The following FREM1 variants were observed in gnomAD, a reference collection of about 807,000 sequenced individuals.
FREM1 encodes FRAS1-related extracellular matrix protein 1.
In FREM1, 220 loss-of-function variants were observed where a neutral mutation model predicts 210.1. The ratio of observed to expected loss-of-function variants is 1.05; its 90% CI spans 0.94 to 1.17. The LOEUF is 1.17. Among genes scored for constraint, FREM1 ranks in the 50% most tolerant of loss-of-function variants. The pLI is 0.00. For synonymous variants in FREM1, 1,189 were observed against 980.2 expected (o/e 1.21, Z -3.98); for missense variants, 3,454 against 2,675.5 (o/e 1.29, Z -6.42).
At chr9:14,844,022 A>T (rs546106180) in intron 8 of FREM1, among the ~76,000 whole-genome samples, 5 of 152,208 alleles carry the variant, frequency 3.3e-5, no homozygotes, top group Non-Finnish European at 7.3e-5. Context: ...CTAATATCAT[A>T]AAGTTGATAT....
At chr9:14,794,155 T>A (rs1049080050) in intron 21 of FREM1, among the ~76,000 whole-genome samples, 2 of 152,156 alleles carry the variant, frequency 1.3e-5, no homozygotes, top group Non-Finnish European at 2.9e-5. Context: ...TAGGTTATCC[T>A]AAAAGGATCC....
At chr9:14,853,379 G>A (rs1828114612) in intron 5 of FREM1, among the ~76,000 whole-genome samples, 1 of 152,160 alleles carries the variant, frequency 6.6e-6, no homozygotes, top group African/African-American at 2.4e-5. Flanking sequence ...GGAAAATGCT[G>A]GAGATAGAAT....
Position 14,801,806 on chromosome 9 carries a change from C to T in FREM1, c.3540G>A (p.Gln1180=), listed in dbSNP as rs781476762. ...GAGTGATGCTGAACAGCAGGGCATC[C>T]TGGGGAATGTCCAGGTCCACAGCGC... ...IISAVDLDIP[Q]DALLFSITQK... The change falls in exon 20 of 37, where the codon CAG becomes CAA. Residue 1180 remains glutamine, a synonymous_variant. Coordinates refer to ENST00000380880, the MANE Select transcript of FREM1 (RefSeq NM_001379081.2). 6.2e-7 allele frequency: 1 copy of T among 1,613,978 alleles called. No homozygotes were observed. The highest frequency in any genetic ancestry group is 2.2e-5 in the East Asian group (1 of 44,874).
rs1015539051 is a variant in FREM1 at position 14,836,042 on chromosome 9, T to C, written c.1881+5405A>G. ...AGTTCTGGGCAATTATCTTGCAACT[T>C]CTGCCGGGTAATGAAAAGTGAGTAA... On this transcript the variant is annotated intron_variant, in intron 10 of 36. Transcript: ENST00000380880. The surrounding 1 kb of genome is among the most constrained non-coding windows in gnomAD (Gnocchi z 4.9). Among the ~76,000 whole-genome samples, 4 of 152,220 alleles carry C rather than the reference T, an allele frequency of 2.6e-5. No individual in the cohort carries two copies. The highest frequency in any genetic ancestry group is 2.1e-4 in the South Asian group (1 of 4,834).
intron 10 of FREM1, among the ~76,000 whole-genome samples, chr9:14,827,601 C>T (rs116372314): frequency 0.015 from 2,239 of 152,238 alleles, 48 homozygotes; most frequent in African/African-American, 0.051. Context: ...GGAGAGGCCA[C>T]AAAAGGTGTG....
rs995063466 is a variant in FREM1, at chr9:14,749,905, C to T, written c.5557+222G>A. Among the ~76,000 whole-genome samples the T allele has an allele frequency of 4.6e-5, 7 of 152,196 alleles. No homozygotes were observed. The South Asian group carries it at 6.2e-4, about 13-fold the overall frequency. On this transcript the variant is annotated intron_variant, in intron 30 of 36. Coordinates refer to ENST00000380880, the MANE Select transcript of FREM1 (RefSeq NM_001379081.2). The stretch of plus-strand genomic sequence containing the variant: ...CAAACGGGTAGGAAAAAAACAACTA[C>T]GGCACTGACTTGTTGCTTTTCTCAA...
rs1396470527 is a variant in FREM1, at chr9:14,860,633, ATACACATG to A, written c.330-1157_330-1150del. Among the ~76,000 whole-genome samples the A allele has an allele frequency of 2.5e-3, 345 of 137,994 alleles. 19 individuals carry two copies. Among genetic ancestry groups the A allele is most frequent in the African/African-American group, 9.7e-3 (317 of 32,828 alleles). 90.5% of individuals were successfully genotyped at this position (137,994 alleles called of 152,430 possible). A position where few individuals can be genotyped will look rare whatever the true frequency, so the allele number is the denominator to read the frequency against. Reference sequence around the variant, plus strand: ...TATACACACATATATATACACATATATACACATGTATACATATATACACATATATACAT... The same window carrying A: ...TATACACACATATATATACACATATATATACATATATACACATATATACAT... On this transcript the variant is annotated intron_variant, in intron 3 of 36. Coordinates refer to ENST00000380880, the MANE Select transcript of FREM1 (RefSeq NM_001379081.2).
chr9:14,862,696 G>C (rs1830799104), intron 3 of FREM1, among the ~76,000 whole-genome samples: 1 of 152,128 alleles, frequency 6.6e-6, no homozygotes, highest in African/African-American at 2.4e-5. Context: ...CTGTGAATTT[G>C]CCAGTTCTAG....
In FREM1 at chr9:14,859,288, C is replaced by T; in HGVS notation, c.526G>A (p.Asp176Asn). The T allele has an allele frequency of 6.2e-7, 1 of 1,613,844 alleles. No individual in the cohort carries two copies. The highest frequency in any genetic ancestry group is 1.1e-5 in the South Asian group (1 of 91,060). Residue 176 changes from aspartate (D) to asparagine (N), a missense_variant, in exon 4 of 37, where the codon GAC becomes AAC. Physicochemically the swap from Asp to Asn is conservative, Grantham distance 23 (BLOSUM62 1). Transcript: ENST00000380880. ...MASLECTVSL[D>N]TARTRLPAHG... Reference sequence around the variant, plus strand: ...GCTGGCAGCCGAGTTCTCGCAGTGTCCAGGCTGACGGTACATTCCAGGCTA... The same window carrying T: ...GCTGGCAGCCGAGTTCTCGCAGTGTTCAGGCTGACGGTACATTCCAGGCTA...
intron 24 of FREM1, among the ~76,000 whole-genome samples, chr9:14,778,083 C>T (rs1478237557): frequency 1.3e-5 from 2 of 152,066 alleles, no homozygotes; most frequent in Non-Finnish European, 2.9e-5. Context: ...CACACCTCGA[C>T]TTGTAAAGAA....
At chr9:14,757,544 G>A (rs1354564215) in intron 28 of FREM1, among the ~76,000 whole-genome samples, 1 of 152,062 alleles carries the variant, frequency 6.6e-6, no homozygotes, top group Non-Finnish European at 1.5e-5. Flanking sequence ...GATAGAGTGA[G>A]ATTCCATCTC....
chr9:14,843,181 C>T (rs574721849), intron 8 of FREM1, among the ~76,000 whole-genome samples: 1 of 152,328 alleles, frequency 6.6e-6, no homozygotes, highest in South Asian at 2.1e-4. Flanking sequence ...CCATCTTCTT[C>T]CCTCTGACAC....
chr9:14,875,065 G>A (rs1441905169), intron 1 of FREM1, among the ~76,000 whole-genome samples: 1 of 152,116 alleles, frequency 6.6e-6, no homozygotes, highest in African/African-American at 2.4e-5. Context: ...TTCCCTTTGT[G>A]GATAACCCGA....
intron 6 of FREM1, among the ~76,000 whole-genome samples, chr9:14,849,619 C>G (rs1040023930): frequency 6.6e-5 from 10 of 152,172 alleles, no homozygotes; most frequent in Non-Finnish European, 1.2e-4. Flanking sequence ...GAAACTGATT[C>G]AAGGCTGCCA....
chr9:14,867,181 G>C (rs1378996238), intron 2 of FREM1, among the ~76,000 whole-genome samples: 1 of 152,042 alleles, frequency 6.6e-6, no homozygotes, highest in Admixed American at 6.6e-5. Context: ...TTCGACCCCA[G>C]TCCCTGTAGT....
intron 27 of FREM1, among the ~76,000 whole-genome samples, chr9:14,761,109 C>T (rs1845419382): frequency 6.6e-6 from 1 of 151,990 alleles, no homozygotes; most frequent in East Asian, 1.9e-4. Context: ...TGGGTGCCAC[C>T]ATATGGAACA....
intron 1 of FREM1, among the ~76,000 whole-genome samples, chr9:14,903,179 G>A (rs1396294401): frequency 2.0e-5 from 3 of 152,142 alleles, no homozygotes; most frequent in Non-Finnish European, 4.4e-5. Context: ...AATGCTGTGT[G>A]GTCTCATTTA....
chr9:14,765,275 G>C (rs140586128), intron 27 of FREM1, among the ~76,000 whole-genome samples: 1 of 152,230 alleles, frequency 6.6e-6, no homozygotes, highest in East Asian at 1.9e-4. Context: ...TTGATAATGG[G>C]GAAACAGTGT....
intron 3 of FREM1, among the ~76,000 whole-genome samples, chr9:14,860,742 T>TATATGCACATATATATGCAC (rs1829840395): frequency 2.3e-5 from 3 of 127,822 alleles, no homozygotes; most frequent in African/African-American, 1.0e-4. Context: ...TATATACACA[T>TATATGCACATATATATGCAC]ATATATGCAC....
Sources: allele counts gnomAD v4.1 joint callset (sites outside exome capture counted in the v4.1 genomes callset), GRCh38; gene constraint gnomAD v4.1.1; non-coding constraint Gnocchi (gnomAD v3.1); transcripts MANE v1.5; gene names NCBI Gene and HGNC (gene_info 2026-07-23, HGNC 2026-07-21).